The following LMLN variants were observed in gnomAD, a reference collection of about 807,000 sequenced individuals.
LMLN encodes the protein leishmanolysin like peptidase, also known as leishmanolysin-like peptidase.
Under a neutral mutation model 92.3 loss-of-function variants are expected in LMLN, and 70 were observed. The observed-to-expected ratio is 0.76, with a 90% CI of 0.63 to 0.92. The LOEUF (loss-of-function observed/expected upper bound fraction) is 0.92. Among genes scored for constraint, LMLN ranks in the 40% least tolerant of loss-of-function variants. The pLI is 0.00. For synonymous variants in LMLN, 308 were observed against 296.2 expected (o/e 1.04, Z -0.41); for missense variants, 691 against 814.6 (o/e 0.85, Z 1.85).
intron 14 of LMLN, among the ~76,000 whole-genome samples, chr3:198,032,115 A>AG (rs1246342079): frequency 6.6e-6 from 1 of 151,724 alleles, no homozygotes; most frequent in East Asian, 1.9e-4. Context: ...AAAAAAAAAA[A>AG]AAGAAAAGAA....
intron 9 of LMLN, 127 bp downstream of exon 9, chr3:197,990,803 A>G (rs1423587947): frequency 7.2e-6 from 4 of 552,158 alleles, no homozygotes; most frequent in Non-Finnish European, 1.3e-5. Flanking sequence ...AGTCATATAA[A>G]GGGAATGCAA....
intron 1 of LMLN, among the ~76,000 whole-genome samples, chr3:197,961,255 T>C (rs1720871374): frequency 6.6e-6 from 1 of 152,156 alleles, no homozygotes; most frequent in South Asian, 2.1e-4. Context: ...TTGTGTTTCA[T>C]ACTTTGATTC....
intron 15 of LMLN, 30 bp downstream of exon 16, chr3:198,036,073 G>C: frequency 6.3e-7 from 1 of 1,586,038 alleles, no homozygotes; most frequent in Non-Finnish European, 8.6e-7. Context: ...GGAATAAAGA[G>C]GGAAAAGTGA....
chr3:198,001,434 G>A (rs573424374), intron 11 of LMLN, among the ~76,000 whole-genome samples: 3 of 152,258 alleles, frequency 2.0e-5, no homozygotes, highest in African/African-American at 4.8e-5. Context: ...GATATTCTGC[G>A]CTCATCGACA....
At chr3:198,013,204 A>C (rs1158586119) in intron 11 of LMLN, among the ~76,000 whole-genome samples, 1 of 112,968 alleles carries the variant, frequency 8.9e-6, no homozygotes. Flanking sequence ...ACTTCTCTGT[A>C]CCCTTCAGAG....
At chr3:198,012,585 G>A (rs1408936712) in intron 11 of LMLN, among the ~76,000 whole-genome samples, 1 of 151,756 alleles carries the variant, frequency 6.6e-6, no homozygotes, top group Non-Finnish European at 1.5e-5. Flanking sequence ...ACCGTTCAGA[G>A]CCTCCTAACG....
intron 12 of LMLN, among the ~76,000 whole-genome samples, chr3:198,020,766 G>GTTTGT (rs1260852398): frequency 1.2e-3 from 31 of 25,632 alleles, no homozygotes; most frequent in African/African-American, 4.9e-3. Flanking sequence ...GCTAATTTTT[G>GTTTGT]TATTTTTTTT....
At chr3:198,005,824 G>A (rs1722278104) in intron 11 of LMLN, among the ~76,000 whole-genome samples, 1 of 151,778 alleles carries the variant, frequency 6.6e-6, no homozygotes, top group African/African-American at 2.4e-5. Flanking sequence ...AATAGAGATG[G>A]GATTTTTCCT....
At chr3:197,977,292 A>G (rs1387886399) in intron 5 of LMLN, among the ~76,000 whole-genome samples, 2 of 152,250 alleles carry the variant, frequency 1.3e-5, no homozygotes, top group Non-Finnish European at 2.9e-5. Flanking sequence ...GTTGCGAATC[A>G]GTATGCAGTT....
intron 11 of LMLN, among the ~76,000 whole-genome samples, chr3:198,014,995 G>C (rs13100674): frequency 5.3e-3 from 289 of 54,132 alleles, no homozygotes; most frequent in Middle Eastern, 0.017. Context: ...TTCAGAGCCC[G>C]CTAACTAGTC....
intron 11 of LMLN, among the ~76,000 whole-genome samples, chr3:198,000,899 TTGAG>T (rs1722154378): frequency 6.6e-6 from 1 of 150,944 alleles, no homozygotes; most frequent in East Asian, 1.9e-4. Context: ...CTTTATTGTA[TTGAG>T]TTTTTATTTT....
intron 11 of LMLN, 29 bp downstream of exon 11, chr3:197,999,371 A>G: frequency 6.8e-7 from 1 of 1,475,246 alleles, no homozygotes; most frequent in South Asian, 1.1e-5. Flanking sequence ...GAGGATATGA[A>G]TTGCTTATGA....
intron 14 of LMLN, among the ~76,000 whole-genome samples, chr3:198,032,562 G>A (rs1723105505): frequency 6.6e-6 from 1 of 152,212 alleles, no homozygotes; most frequent in Non-Finnish European, 1.5e-5. Flanking sequence ...CATAAGTGCT[G>A]TCATCGGCTT....
exon 16 of LMLN, chr3:198,041,871 A>G (rs1723414032): frequency 6.6e-6 from 1 of 152,166 alleles, no homozygotes; most frequent in Non-Finnish European, 1.5e-5. Flanking sequence ...CCGTTTAGGT[A>G]GTATTGTTTC....
At chr3:197,988,961 G>A (rs1721790458) in intron 8 of LMLN, among the ~76,000 whole-genome samples, 1 of 152,190 alleles carries the variant, frequency 6.6e-6, no homozygotes, top group South Asian at 2.1e-4. Context: ...GGGATTACAG[G>A]TGTGAGCCAC....
chr3:198,021,549 A>G, exon 13 of LMLN: 1 of 1,614,180 alleles, frequency 6.2e-7, no homozygotes. Flanking sequence ...TTCAGTTGGC[A>G]TTTAAGTGGT....
chr3:197,977,578 C>T lies in LMLN; in HGVS notation c.549+863C>T, dbSNP rs544855560. 2.6e-4 allele frequency among the ~76,000 whole-genome samples: 39 copies of T among 150,476 alleles called. No homozygotes were observed. In the South Asian group the frequency reaches 6.9e-3, roughly 27 times the overall value. ...ATCAAACCATCTGGAAGTATACACA[C>T]GTTAAATCTGGATACATATAAAAAT... On this transcript the variant is annotated intron_variant, in intron 5 of 15. Transcript: ENST00000330198.
exon 14 of LMLN, chr3:198,024,698 T>C: frequency 6.2e-7 from 1 of 1,611,484 alleles, no homozygotes; most frequent in South Asian, 1.1e-5. Flanking sequence ...ATGGACCTCA[T>C]TCCGTTTGTC....
rs1722970490 is a variant in LMLN at position 198,027,664 on chromosome 3, C to T, written c.1656+2876C>T. On this transcript the variant is annotated intron_variant, in intron 14 of 15. Coordinates refer to ENST00000330198, the Ensembl canonical transcript of LMLN. ...TTAGCGTGGCATTCTCAGGGTTCAT[C>T]CACATTGTGCCATGTATCAGAACAG... Among the ~76,000 whole-genome samples, 3 of 152,208 alleles carry T rather than the reference C, an allele frequency of 2.0e-5. No individual in the cohort carries two copies. The South Asian group carries it at 6.2e-4, about 32-fold the overall frequency.
Sources: gnomAD v4.1 joint callset for allele counts (sites outside exome capture counted in the v4.1 genomes callset) on GRCh38, gnomAD v4.1.1 for gene constraint, MANE v1.5 for transcripts, NCBI Gene and HGNC (gene_info 2026-07-23, HGNC 2026-07-21) for gene names.